CNTNAP2: variants seen among roughly 807,000 people sequenced by gnomAD.
CNTNAP2 encodes the protein contactin-associated protein-like 2.
A neutral mutation model predicts 155.2 loss-of-function variants in CNTNAP2; 98 were observed. The observed-to-expected ratio is 0.63, with a 90% CI of 0.54 to 0.75. The LOEUF (loss-of-function observed/expected upper bound fraction) is 0.75, where lower values mean the gene tolerates loss of function less well. CNTNAP2 is among the 30% of genes least tolerant of loss of function. The pLI is 0.00. For synonymous variants in CNTNAP2, 651 were observed against 631.2 expected (o/e 1.03, Z -0.47); for missense variants, 1,727 against 1,688.1 (o/e 1.02, Z -0.40).
chr7:148,015,379 G>A (rs1541412), intron 15 of CNTNAP2, among the ~76,000 whole-genome samples: 103,439 of 152,034 alleles, frequency 0.68, 35,762 homozygotes, highest in East Asian at 0.83. Context: ...CAGACAGGAA[G>A]CAACTCTCCT....
intron 8 of CNTNAP2, among the ~76,000 whole-genome samples, chr7:147,205,096 A>G (rs1053141948): frequency 1.3e-5 from 2 of 152,062 alleles, no homozygotes. Context: ...TTTGCTATAT[A>G]TATTTCAGGA....
intron 12 of CNTNAP2, among the ~76,000 whole-genome samples, chr7:147,565,023 G>T (rs10223936): frequency 0.45 from 68,003 of 151,944 alleles, 15,420 homozygotes; most frequent in East Asian, 0.61. Context: ...AGCTTGGCTT[G>T]GGCTATTCCA....
chr7:146,481,643 A>G (rs1414051304), intron 1 of CNTNAP2, among the ~76,000 whole-genome samples: 1 of 152,230 alleles, frequency 6.6e-6, no homozygotes, highest in African/African-American at 2.4e-5. Flanking sequence ...GTAGAAATAT[A>G]TACGGAATGA....
At chr7:147,125,251 G>A (rs1254276241) in intron 6 of CNTNAP2, among the ~76,000 whole-genome samples, 4 of 151,944 alleles carry the variant, frequency 2.6e-5, no homozygotes, top group African/African-American at 9.7e-5. Context: ...TCTTGGCCTC[G>A]TGATCTGCCC....
intron 1 of CNTNAP2, among the ~76,000 whole-genome samples, chr7:146,693,593 C>T (rs1288963014): frequency 6.6e-6 from 1 of 152,060 alleles, no homozygotes; most frequent in Non-Finnish European, 1.5e-5. Flanking sequence ...TATACCTTGA[C>T]AAGTAATCTC....
intron 12 of CNTNAP2, among the ~76,000 whole-genome samples, chr7:147,563,785 G>A (rs1456245302): frequency 1.3e-5 from 2 of 151,954 alleles, no homozygotes; most frequent in South Asian, 2.1e-4. Flanking sequence ...CAAACTTCTT[G>A]GCTCCACCCC....
intron 3 of CNTNAP2, among the ~76,000 whole-genome samples, chr7:146,956,281 G>A (rs901658564): frequency 7.9e-5 from 12 of 152,090 alleles, no homozygotes; most frequent in South Asian, 4.1e-4. Context: ...GTGCATGACC[G>A]TGGTAATATC....
At chr7:146,445,665 C>G (rs1225032235) in intron 1 of CNTNAP2, among the ~76,000 whole-genome samples, 1 of 151,996 alleles carries the variant, frequency 6.6e-6, no homozygotes, top group Admixed American at 6.6e-5. Flanking sequence ...AGACATTTTC[C>G]CAATATCCTA....
intron 8 of CNTNAP2, among the ~76,000 whole-genome samples, chr7:147,202,572 T>C (rs1584790183): frequency 6.6e-6 from 1 of 151,872 alleles, no homozygotes; most frequent in Non-Finnish European, 1.5e-5. Context: ...AATGATAGAC[T>C]GGAGTAGGAA....
chr7:146,558,601 G>A (rs2129143980), intron 1 of CNTNAP2, among the ~76,000 whole-genome samples: 1 of 151,800 alleles, frequency 6.6e-6, no homozygotes, highest in East Asian at 1.9e-4. Context: ...GATTTTTTTG[G>A]GGGGGAAATA....
chr7:146,564,698 T>C (rs1226088048), intron 1 of CNTNAP2, among the ~76,000 whole-genome samples: 1 of 151,540 alleles, frequency 6.6e-6, no homozygotes, highest in East Asian at 1.9e-4. Context: ...TTTTTGGCTG[T>C]CCACAACATA....
chr7:147,112,523 T>A (rs1800901992), intron 5 of CNTNAP2, among the ~76,000 whole-genome samples: 2 of 152,220 alleles, frequency 1.3e-5, no homozygotes. Flanking sequence ...AGATGGCTCT[T>A]ACTATTTTGA....
chr7:146,582,946 A>G (rs1473193228), intron 1 of CNTNAP2, among the ~76,000 whole-genome samples: 1 of 148,964 alleles, frequency 6.7e-6, no homozygotes, highest in Non-Finnish European at 1.5e-5. Flanking sequence ...TAATATATCT[A>G]TAATATTTAA....
chr7:147,316,720 A>G (rs560376892), intron 9 of CNTNAP2, among the ~76,000 whole-genome samples: 264 of 151,860 alleles, frequency 1.7e-3, no homozygotes, highest in African/African-American at 6.1e-3. Context: ...GTTATATACA[A>G]GAATGTTTAT....
At chr7:147,306,888 A>G (rs996193163) in intron 9 of CNTNAP2, among the ~76,000 whole-genome samples, 1 of 152,220 alleles carries the variant, frequency 6.6e-6, no homozygotes, top group Admixed American at 6.5e-5. Context: ...TGTAGATAGT[A>G]ATAATACTGG....
At chr7:146,901,456 G>A (rs1005498248) in intron 3 of CNTNAP2, among the ~76,000 whole-genome samples, 7 of 152,118 alleles carry the variant, frequency 4.6e-5, no homozygotes, top group African/African-American at 1.7e-4. Context: ...AAGAATTAAA[G>A]AGCATTACAC....
chr7:147,372,996 T>A (rs527779604), intron 9 of CNTNAP2, among the ~76,000 whole-genome samples: 1 of 152,262 alleles, frequency 6.6e-6, no homozygotes, highest in African/African-American at 2.4e-5. Flanking sequence ...CCTATATTTG[T>A]TAATATATTC....
chr7:147,890,229 A>G (rs573839801), intron 13 of CNTNAP2, among the ~76,000 whole-genome samples: 4 of 152,242 alleles, frequency 2.6e-5, no homozygotes, highest in Non-Finnish European at 5.9e-5. Flanking sequence ...TCAAATAATG[A>G]TGACAGCATA....
intron 5 of CNTNAP2, among the ~76,000 whole-genome samples, chr7:147,113,288 GC>G (rs1435582372): frequency 6.6e-6 from 1 of 151,940 alleles, no homozygotes; most frequent in South Asian, 2.1e-4. Flanking sequence ...CAGTGGTGAT[GC>G]CCCCCTTACG....
Sources: allele counts gnomAD v4.1 joint callset (sites outside exome capture counted in the v4.1 genomes callset), GRCh38; gene constraint gnomAD v4.1.1; transcripts MANE v1.5; gene names NCBI Gene and HGNC (gene_info 2026-07-23, HGNC 2026-07-21).